The following TMTC2 variants were observed in gnomAD, a reference collection of about 807,000 sequenced individuals.
The protein encoded by TMTC2 is transmembrane O-mannosyltransferase targeting cadherins 2.
TMTC2 carries 43 observed loss-of-function variants against 82.4 expected under a neutral mutation model. The ratio of observed to expected loss-of-function variants is 0.52; its 90% CI spans 0.41 to 0.67. TMTC2 has a LOEUF of 0.67. Among genes scored for constraint, TMTC2 ranks in the 30% least tolerant of loss-of-function variants. The pLI, the probability that TMTC2 is intolerant of heterozygous loss-of-function variation, is 0.00. For synonymous variants in TMTC2, 408 were observed against 381.9 expected, an observed-to-expected ratio of 1.07 and a Z score of -0.80; for missense variants, 919 against 1,012.4, an observed-to-expected ratio of 0.91 and a Z score of 1.25.
intron 1 of TMTC2, among the ~76,000 whole-genome samples, chr12:82,709,197 G>T (rs565046033): frequency 6.6e-6 from 1 of 152,088 alleles, no homozygotes; most frequent in African/African-American, 2.4e-5. Context: ...GTTTGAATGT[G>T]GTTGTCCTCA....
chr12:83,071,348 G>A (rs186484235), intron 11 of TMTC2, among the ~76,000 whole-genome samples: 109 of 151,720 alleles, frequency 7.2e-4, no homozygotes, highest in African/African-American at 2.4e-3. Context: ...TAGTGGAGAC[G>A]GGGTTTCACT....
chr12:82,901,598 G>C (rs1874024771), intron 3 of TMTC2, among the ~76,000 whole-genome samples: 1 of 151,968 alleles, frequency 6.6e-6, no homozygotes, highest in Non-Finnish European at 1.5e-5. Context: ...TGTAATATTA[G>C]TAAAAGACTC....
At chr12:83,107,265 T>C (rs1884438851) in intron 11 of TMTC2, among the ~76,000 whole-genome samples, 1 of 152,218 alleles carries the variant, frequency 6.6e-6, no homozygotes, top group Non-Finnish European at 1.5e-5. Flanking sequence ...CTTAGTCCAT[T>C]TTCTGTTGTT....
At chr12:82,989,478 T>A (rs1005092522) in intron 8 of TMTC2, among the ~76,000 whole-genome samples, 3 of 151,874 alleles carry the variant, frequency 2.0e-5, no homozygotes. Context: ...AGTATTAAAT[T>A]AATATACCTA....
Position 83,059,084 on chromosome 12 carries a change from G to C in TMTC2, c.2268-2684G>C, listed in dbSNP as rs144723976. Among the ~76,000 whole-genome samples the C allele has an allele frequency of 6.3e-3, 959 of 151,870 alleles. 4 individuals are homozygous for C. The highest frequency in any genetic ancestry group is 8.8e-3 in the Non-Finnish European group (597 of 67,816). On this transcript the variant is annotated intron_variant, in intron 10 of 11. Transcript: ENST00000321196. ...AAGAAGGGATACGAGTATGCAGGAA[G>C]TGTTATTTTATTGTCTGCTTTAATA...
At chr12:82,989,170 A>T (rs1258148257) in intron 8 of TMTC2, among the ~76,000 whole-genome samples, 1 of 151,950 alleles carries the variant, frequency 6.6e-6, no homozygotes, top group East Asian at 1.9e-4. Flanking sequence ...TTTCATTTGG[A>T]AGATAGGAGA....
At chr12:83,020,889 CA>C (rs1454646029) in intron 8 of TMTC2, among the ~76,000 whole-genome samples, 1 of 152,112 alleles carries the variant, frequency 6.6e-6, no homozygotes, top group East Asian at 1.9e-4. Flanking sequence ...TCATAGAAGT[CA>C]ACCATGTTGT....
At chr12:82,932,647 T>G (rs1344732744) in intron 4 of TMTC2, among the ~76,000 whole-genome samples, 2 of 152,214 alleles carry the variant, frequency 1.3e-5, no homozygotes, top group African/African-American at 4.8e-5. Flanking sequence ...TTACACTTTT[T>G]GCATCTGAAA....
intron 11 of TMTC2, among the ~76,000 whole-genome samples, chr12:83,094,730 C>A (rs1883965047): frequency 1.3e-5 from 2 of 152,096 alleles, no homozygotes; most frequent in African/African-American, 4.8e-5. Context: ...TTGGTAATTC[C>A]TTAACAGGGA....
chr12:83,106,309 G>C (rs986576792), intron 11 of TMTC2, among the ~76,000 whole-genome samples: 15 of 152,234 alleles, frequency 9.9e-5, no homozygotes, highest in Admixed American at 2.6e-4. Flanking sequence ...AGACCAGCCT[G>C]ACCAATGTGG....
intron 1 of TMTC2, among the ~76,000 whole-genome samples, chr12:82,776,236 A>T (rs959164722): frequency 6.6e-6 from 1 of 152,118 alleles, no homozygotes; most frequent in Non-Finnish European, 1.5e-5. Flanking sequence ...CATATGCTAA[A>T]TGTAATGTAG....
At chr12:83,045,232 G>T (rs964210194) in intron 9 of TMTC2, among the ~76,000 whole-genome samples, 2 of 151,866 alleles carry the variant, frequency 1.3e-5, no homozygotes, top group African/African-American at 4.8e-5. Flanking sequence ...ATATCATCTG[G>T]TTTTCCCTAC....
intron 1 of TMTC2, among the ~76,000 whole-genome samples, chr12:82,700,423 C>T (rs1157939355): frequency 6.6e-6 from 1 of 152,008 alleles, no homozygotes; most frequent in Non-Finnish European, 1.5e-5. Flanking sequence ...TCATAAAAGC[C>T]AATATCCAAA....
At chr12:82,868,829 G>A (rs1025290207) in intron 2 of TMTC2, among the ~76,000 whole-genome samples, 2 of 151,874 alleles carry the variant, frequency 1.3e-5, no homozygotes, top group African/African-American at 2.4e-5. Flanking sequence ...TCAGGGAAAC[G>A]TTGAGTCTGG....
At chr12:83,039,983 G>A (rs1450875528) in intron 9 of TMTC2, among the ~76,000 whole-genome samples, 1 of 152,192 alleles carries the variant, frequency 6.6e-6, no homozygotes, top group Non-Finnish European at 1.5e-5. Flanking sequence ...GCATCATGCT[G>A]GGCACATATG....
At chr12:82,841,558 A>C (rs1357651810) in intron 1 of TMTC2, among the ~76,000 whole-genome samples, 1 of 151,442 alleles carries the variant, frequency 6.6e-6, no homozygotes, top group Non-Finnish European at 1.5e-5. Flanking sequence ...GTCCGAAAAA[A>C]CTCTGATTTA....
intron 9 of TMTC2, among the ~76,000 whole-genome samples, chr12:83,048,181 A>T (rs1309957350): frequency 6.6e-6 from 1 of 152,228 alleles, no homozygotes; most frequent in African/African-American, 2.4e-5. Context: ...TAATAACTAT[A>T]ACTGACTGAA....
At chr12:82,884,244 C>A (rs972201750) in intron 2 of TMTC2, among the ~76,000 whole-genome samples, 3 of 152,130 alleles carry the variant, frequency 2.0e-5, no homozygotes, top group Non-Finnish European at 1.5e-5. Context: ...GGTCACCATG[C>A]CAACCAAAAC....
At chr12:83,002,832 G>A (rs1022978911) in intron 8 of TMTC2, among the ~76,000 whole-genome samples, 8 of 151,258 alleles carry the variant, frequency 5.3e-5, no homozygotes, top group South Asian at 2.1e-4. Flanking sequence ...GCATCTGGTC[G>A]CTCTTAGAGT....
Sources: gnomAD v4.1 joint callset for allele counts (sites outside exome capture counted in the v4.1 genomes callset) on GRCh38, gnomAD v4.1.1 for gene constraint, MANE v1.5 for transcripts, NCBI Gene and HGNC (gene_info 2026-07-23, HGNC 2026-07-21) for gene names.